TPH1: variants seen among roughly 807,000 people sequenced by gnomAD.
The protein encoded by TPH1 is tryptophan 5-hydroxylase 1.
A neutral mutation model predicts 49.5 loss-of-function variants in TPH1; 37 were observed. The ratio of observed to expected loss-of-function variants is 0.75; its 90% CI spans 0.58 to 0.98. TPH1 has a LOEUF of 0.98. Among genes scored for constraint, TPH1 ranks in the 50% least tolerant of loss-of-function variants. The pLI is 0.00. For missense variants in TPH1, 487 were observed against 523.6 expected (o/e 0.93, Z 0.68); for synonymous variants, 160 against 182.1 (o/e 0.88, Z 0.98).
intron 9 of TPH1, 148 bp from the exon 10 acceptor site, chr11:18,023,079 C>T: frequency 1.2e-6 from 1 of 850,966 alleles, no homozygotes; most frequent in East Asian, 2.7e-5. Context: ...CTCTATTCAA[C>T]CCACAGTACA....
In TPH1 at chr11:18,019,795, C is replaced by T; in HGVS notation, c.*1196G>A. 1 of 455,460 alleles carries T rather than the reference C, an allele frequency of 2.2e-6. No homozygotes were observed. Among genetic ancestry groups the T allele is most frequent in the South Asian group, 1.6e-5 (1 of 64,326 alleles). 28.2% of individuals were successfully genotyped at this position (455,460 alleles called of 1,614,324 possible). On this transcript the variant is annotated 3_prime_UTR_variant, in exon 11 of 11. Coordinates refer to ENST00000682019, the MANE Select transcript of TPH1 (RefSeq NM_004179.3). ...CATAAGTTTGTATTTTGGAGTTCAGCTTCACCCATTTATAACAGGACTGCT... is the reference window on the plus strand; with the variant it reads ...CATAAGTTTGTATTTTGGAGTTCAGTTTCACCCATTTATAACAGGACTGCT...
intron 10 of TPH1, 116 bp from the exon 11 acceptor site, chr11:18,021,281 G>T: frequency 2.0e-6 from 2 of 1,008,142 alleles, no homozygotes; most frequent in Non-Finnish European, 3.1e-6. Flanking sequence ...TGTTAGATAT[G>T]TGTACAACCA....
intron 4 of TPH1, among the ~76,000 whole-genome samples, 178 bp from the exon 5 acceptor site, chr11:18,029,757 A>T (rs1847966682): frequency 6.6e-6 from 1 of 152,182 alleles, no homozygotes; most frequent in Admixed American, 6.5e-5. Flanking sequence ...ATGTTACATG[A>T]CAGCTTTATA....
chr11:18,045,474 AC>A (rs397778346), intron 1 of TPH1, among the ~76,000 whole-genome samples: 1 of 65,560 alleles, frequency 1.5e-5, no homozygotes, highest in Admixed American at 1.4e-4. Context: ...TTAGAATTCC[AC>A]CCCCCCCTTT....
At chr11:18,026,125 C>T (rs961212295) in intron 7 of TPH1, among the ~76,000 whole-genome samples, 1 of 152,110 alleles carries the variant, frequency 6.6e-6, no homozygotes, top group Non-Finnish European at 1.5e-5. Context: ...CCATGGGACT[C>T]AACACCACTC....
chr11:18,045,935 T>G (rs1280379583), intron 1 of TPH1, among the ~76,000 whole-genome samples: 3 of 152,146 alleles, frequency 2.0e-5, no homozygotes, highest in Non-Finnish European at 2.9e-5. Context: ...GGACCCCACT[T>G]TCCTCATCTG....
Position 18,019,742 on chromosome 11 carries a change from G to C in TPH1, c.*1249C>G. 3 of 458,896 alleles carry C rather than the reference G, an allele frequency of 6.5e-6. No homozygotes were observed. The highest frequency in any genetic ancestry group is 8.8e-6 in the Non-Finnish European group (2 of 228,074). 28.4% of individuals were successfully genotyped at this position (458,896 alleles called of 1,614,324 possible). On this transcript the variant is annotated 3_prime_UTR_variant, in exon 11 of 11. Transcript: ENST00000682019. ...GAAGAACATCTTCATTTAGTGACTA[G>C]AGGGAGGAAAGGGGCAAATTAAAGA...
intron 9 of TPH1, among the ~76,000 whole-genome samples, chr11:18,023,673 A>G (rs1252377331): frequency 6.6e-6 from 1 of 152,040 alleles, no homozygotes; most frequent in Non-Finnish European, 1.5e-5. Context: ...TTCTTATTTT[A>G]TCTATCTATC....
chr11:18,028,070 A>G (rs1201336422), intron 6 of TPH1, among the ~76,000 whole-genome samples: 2 of 152,244 alleles, frequency 1.3e-5, no homozygotes, highest in Non-Finnish European at 2.9e-5. Context: ...TAATCTGCTG[A>G]GATTATCTAC....
At chr11:18,026,081 T>C (rs945512524) in intron 7 of TPH1, among the ~76,000 whole-genome samples, 19 of 151,904 alleles carry the variant, frequency 1.3e-4, no homozygotes, top group African/African-American at 4.4e-4. Flanking sequence ...CACCTACACT[T>C]TCCTCCATCC....
At position 18,035,886 on chromosome 11, in the gene TPH1, C is replaced by T. The variant is rs1025703093; in HGVS notation, c.301+73G>A. The stretch of plus-strand genomic sequence containing the variant: ...TTGTGTTTTATTATTTTAATGTCTT[C>T]AAGATAAATATAAGGCTGGACACAC... On this transcript the variant is annotated intron_variant, in intron 3 of 10. Transcript: ENST00000682019. 8.5e-6 allele frequency: 11 copies of T among 1,287,616 alleles called. No individual in the cohort carries two copies. The East Asian group carries it at 2.3e-4, about 27-fold the overall frequency. 79.8% of individuals were successfully genotyped at this position (1,287,616 alleles called of 1,614,324 possible).
chr11:18,023,866 T>C (rs767048916), intron 9 of TPH1, 22 bp downstream of exon 9: 8 of 1,579,012 alleles, frequency 5.1e-6, no homozygotes, highest in Non-Finnish European at 6.1e-6. Context: ...TATGGTTATA[T>C]ACAAAGATTT....
intron 4 of TPH1, among the ~76,000 whole-genome samples, chr11:18,031,790 CTT>C (rs1401109389): frequency 1.3e-5 from 2 of 152,170 alleles, no homozygotes; most frequent in African/African-American, 4.8e-5. Context: ...CTTTCCATCT[CTT>C]ATCTCCTGAA....
intron 4 of TPH1, 132 bp downstream of exon 4, chr11:18,033,142 A>G (rs1441949128): frequency 1.4e-6 from 1 of 728,930 alleles, no homozygotes; most frequent in Non-Finnish European, 2.5e-6. Flanking sequence ...GATCCCAGCT[A>G]CTTGGGAGGC....
intron 1 of TPH1, among the ~76,000 whole-genome samples, chr11:18,045,898 G>A (rs1242266937): frequency 1.3e-5 from 2 of 152,130 alleles, no homozygotes. Flanking sequence ...CAACATAGAG[G>A]AGTCACACAG....
At chr11:18,045,979 G>A (rs543014420) in intron 1 of TPH1, among the ~76,000 whole-genome samples, 5 of 152,360 alleles carry the variant, frequency 3.3e-5, no homozygotes, top group Admixed American at 2.0e-4. Flanking sequence ...AGTTTGTCAT[G>A]AAGGTGAAAT....
At position 18,036,120 on chromosome 11, in the gene TPH1, T is replaced by C. The variant is rs765081542; in HGVS notation, c.140A>G (p.His47Arg). The change falls in exon 3 of 11, where the codon CAT becomes CGT. Residue 47 changes from histidine to arginine, a missense_variant. Coordinates refer to ENST00000682019, the MANE Select transcript of TPH1 (RefSeq NM_004179.3). ...IFQEKHVNLLHIESRKSKRRN... is the reference protein window; with the variant it reads ...IFQEKHVNLLRIESRKSKRRN... ...TCTTTTTGATTTTCGGGACTCGATA[T>C]GTAACAGATTCACATGCTTCTCCTG... is the stretch of plus-strand genomic sequence containing the variant. The C allele has an allele frequency of 6.2e-7, 1 of 1,613,282 alleles. No individual in the cohort carries two copies. Among genetic ancestry groups the C allele is most frequent in the Non-Finnish European group, 8.5e-7 (1 of 1,179,814 alleles).
At chr11:18,044,163 CT>C (rs1232018732) in intron 1 of TPH1, among the ~76,000 whole-genome samples, 2 of 152,082 alleles carry the variant, frequency 1.3e-5, no homozygotes, top group African/African-American at 4.8e-5. Context: ...TGGCTCACAC[CT>C]GTAATTCCCA....
rs1854317827 is a variant in TPH1, at chr11:18,018,297, A to C, written c.*2694T>G. On this transcript the variant is annotated 3_prime_UTR_variant, in exon 11 of 11. Coordinates refer to ENST00000682019, the MANE Select transcript of TPH1 (RefSeq NM_004179.3). Reference sequence around the variant, plus strand: ...ATATTTAAAATGCATGAAAATTCTAAGACTCTCAGGACTCCTGATTTACCA... The same window carrying C: ...ATATTTAAAATGCATGAAAATTCTACGACTCTCAGGACTCCTGATTTACCA... The C allele has an allele frequency of 1.3e-5, 2 of 152,170 alleles. No individual in the cohort carries two copies. Among genetic ancestry groups the C allele is most frequent in the Non-Finnish European group, 2.9e-5 (2 of 68,044 alleles). 9.4% of individuals were successfully genotyped at this position (152,170 alleles called of 1,614,324 possible). A position where few individuals can be genotyped will look rare whatever the true frequency, so the allele number is the denominator to read the frequency against.
Sources: gnomAD v4.1 joint callset for allele counts (sites outside exome capture counted in the v4.1 genomes callset) on GRCh38, gnomAD v4.1.1 for gene constraint, MANE v1.5 for transcripts, NCBI Gene and HGNC (gene_info 2026-07-23, HGNC 2026-07-21) for gene names.